The following PCDHGB2 variants were observed in gnomAD, a reference collection of about 807,000 sequenced individuals.
PCDHGB2 encodes protocadherin gamma subfamily B, 2, also known as protocadherin gamma-B2.
In PCDHGB2, 55 loss-of-function variants were observed where a neutral mutation model predicts 59.3. The observed-to-expected ratio is 0.93, with a 90% CI of 0.75 to 1.16. The LOEUF (loss-of-function observed/expected upper bound fraction) is 1.16. PCDHGB2 is among the 50% of genes most tolerant of loss of function. PCDHGB2 has a pLI of 0.00. For missense variants in PCDHGB2, 1,228 were observed against 1,198.5 expected (o/e 1.02, Z -0.36); for synonymous variants, 516 against 512.0 (o/e 1.01, Z -0.11).
chr5:141,403,607 G>A (rs2094432931), intron 1 of PCDHGB2: 6 of 1,613,854 alleles, frequency 3.7e-6, no homozygotes, highest in Non-Finnish European at 5.1e-6. Flanking sequence ...GGATGGCGGC[G>A]AGCCGCGTCG....
chr5:141,374,395 G>A, intron 1 of PCDHGB2: 1 of 1,614,050 alleles, frequency 6.2e-7, no homozygotes, highest in South Asian at 1.1e-5. Context: ...GGTGTCTGGT[G>A]AGTTTTAACA....
rs747159210 is a variant in PCDHGB2, at chr5:141,511,184, A to C, written c.*11A>C. 1.2e-5 allele frequency: 19 copies of C among 1,613,876 alleles called. No homozygotes were observed. In the Admixed American group the frequency reaches 3.2e-4, roughly 27 times the overall value. ...AAGGAGAAGAAGTAACATGGAGGCC[A>C]GGCCAAGAGCCACAGGGCGGCCTCT... is the stretch of plus-strand genomic sequence containing the variant. On this transcript the variant is annotated 3_prime_UTR_variant, in exon 4 of 4. Transcript: ENST00000522605.
At chr5:141,430,567 A>G in intron 1 of PCDHGB2, 1 of 434,308 alleles carries the variant, frequency 2.3e-6, no homozygotes, top group Non-Finnish European at 3.9e-6. Context: ...GGGGAGAGAA[A>G]AGCGGAGATC....
In PCDHGB2 at chr5:141,431,615, G is replaced by C. The variant is rs1231591874; in HGVS notation, c.2422-63192G>C. The C allele has an allele frequency of 1.2e-6, 2 of 1,614,118 alleles. No individual in the cohort carries two copies. Among genetic ancestry groups the C allele is most frequent in the Non-Finnish European group, 8.5e-7 (1 of 1,180,050 alleles). ...GAGGTATTCCTTCCGGTATGTGGACGACAAGGCGGCCCAAGTTTTCAAACT... is the reference window on the plus strand; with the variant it reads ...GAGGTATTCCTTCCGGTATGTGGACCACAAGGCGGCCCAAGTTTTCAAACT... On this transcript the variant is annotated intron_variant, in intron 1 of 3. Coordinates refer to ENST00000522605, the MANE Select transcript of PCDHGB2 (RefSeq NM_018923.3). This position sits in a 1 kb window ranked among gnomAD's most constrained non-coding sequence, Gnocchi z 4.8.
intron 2 of PCDHGB2, 54 bp from the exon 3 acceptor site, chr5:141,505,339 G>A: frequency 1.2e-6 from 2 of 1,612,236 alleles, no homozygotes; most frequent in Middle Eastern, 3.4e-4. Flanking sequence ...GACAGGAGGG[G>A]CATGAGCTGT....
At chr5:141,413,316 T>G (rs769316460) in intron 1 of PCDHGB2, 1 of 1,613,976 alleles carries the variant, frequency 6.2e-7, no homozygotes, top group South Asian at 1.1e-5. Context: ...AGAAAGGCTC[T>G]TTCGTGGGCA....
intron 1 of PCDHGB2, chr5:141,441,824 G>A (rs1561905347): frequency 5.6e-6 from 2 of 356,750 alleles, no homozygotes; most frequent in South Asian, 4.7e-5. Flanking sequence ...GCTCTGGAGC[G>A]CAATGGCTTC....
chr5:141,423,234 C>A (rs1408925478), intron 1 of PCDHGB2: 1 of 1,613,800 alleles, frequency 6.2e-7, no homozygotes, highest in Non-Finnish European at 8.5e-7. Context: ...CCGACAGCAT[C>A]CCCGAAGTCC....
intron 1 of PCDHGB2, among the ~76,000 whole-genome samples, chr5:141,433,818 CA>C (rs2097653666): frequency 7.5e-6 from 1 of 133,558 alleles, no homozygotes; most frequent in African/African-American, 2.9e-5. Flanking sequence ...GCCTGGGCAA[CA>C]AGAGTGAAAC....
At position 141,490,456 on chromosome 5, in the gene PCDHGB2, C is replaced by G. The variant is rs370141879; in HGVS notation, c.2422-4351C>G. On this transcript the variant is annotated intron_variant, in intron 1 of 3. Transcript: ENST00000522605. The surrounding 1 kb of genome is among the most constrained non-coding windows in gnomAD (Gnocchi z 5.4). The stretch of plus-strand genomic sequence containing the variant: ...TAAGCCTTCTGAGAACCACTACTCG[C>G]TGCTAACCAGCCAGCCTTTGGACCG... 3.7e-6 allele frequency: 6 copies of G among 1,614,114 alleles called. No individual in the cohort carries two copies. Among genetic ancestry groups the G allele is most frequent in the Non-Finnish European group, 5.1e-6 (6 of 1,180,058 alleles).
chr5:141,463,446 T>TC, intron 1 of PCDHGB2, among the ~76,000 whole-genome samples: 1 of 125,012 alleles, frequency 8.0e-6, no homozygotes, highest in Non-Finnish European at 1.7e-5. Flanking sequence ...TCCTTTTTTT[T>TC]TTTTTTTTTT....
At chr5:141,393,406 G>A (rs762034418) in intron 1 of PCDHGB2, 1 of 1,614,026 alleles carries the variant, frequency 6.2e-7, no homozygotes, top group Admixed American at 1.7e-5. Flanking sequence ...GTGCTGGAGC[G>A]CGCCCTGGAC....
chr5:141,392,841 C>A (rs1464167244), intron 1 of PCDHGB2: 2 of 1,608,680 alleles, frequency 1.2e-6, no homozygotes, highest in Non-Finnish European at 1.7e-6. Flanking sequence ...TCGCCCCAGA[C>A]GCGGCGAGCT....
intron 1 of PCDHGB2, chr5:141,374,743 T>A: frequency 6.2e-7 from 1 of 1,611,970 alleles, no homozygotes; most frequent in Non-Finnish European, 8.5e-7. Context: ...GCGGCGACCC[T>A]GTCCGCTCAA....
chr5:141,422,043 G>A (rs1307532347), intron 1 of PCDHGB2: 13 of 1,611,504 alleles, frequency 8.1e-6, no homozygotes, highest in African/African-American at 1.3e-5. Flanking sequence ...ATCCAGACGA[G>A]GGAATCAACG....
chr5:141,447,514 C>T (rs901543835), intron 1 of PCDHGB2, among the ~76,000 whole-genome samples: 20 of 152,196 alleles, frequency 1.3e-4, no homozygotes, highest in Admixed American at 8.5e-4. Context: ...AGATGCATAA[C>T]AATCATAACA....
chr5:141,419,285 G>A, intron 1 of PCDHGB2: 2 of 1,614,028 alleles, frequency 1.2e-6, no homozygotes, highest in East Asian at 4.5e-5. Context: ...GCAAGTCAGT[G>A]CCTCTGACCC....
chr5:141,435,795 G>A (rs150143106), intron 1 of PCDHGB2, among the ~76,000 whole-genome samples: 16 of 152,032 alleles, frequency 1.1e-4, no homozygotes, highest in Admixed American at 2.0e-4. Flanking sequence ...GAAACATAAC[G>A]TCCCAATTAT....
At chr5:141,466,143 C>T (rs2099117622) in intron 1 of PCDHGB2, among the ~76,000 whole-genome samples, 1 of 151,816 alleles carries the variant, frequency 6.6e-6, no homozygotes, top group Admixed American at 6.6e-5. Flanking sequence ...CAAGTGAAAA[C>T]TCTGGTCTTA....
Sources: allele counts gnomAD v4.1 joint callset (sites outside exome capture counted in the v4.1 genomes callset), GRCh38; gene constraint gnomAD v4.1.1; non-coding constraint Gnocchi (gnomAD v3.1); transcripts MANE v1.5; gene names NCBI Gene and HGNC (gene_info 2026-07-23, HGNC 2026-07-21).